Variants in PCCA observed in about 807,000 individuals in gnomAD.
PCCA encodes propionyl-CoA carboxylase subunit alpha, also known as propionyl-CoA carboxylase alpha chain, mitochondrial.
PCCA carries 74 observed loss-of-function variants against 101.3 expected under a neutral mutation model. The observed-to-expected ratio is 0.73, with a 90% CI of 0.61 to 0.89. PCCA has a LOEUF of 0.89. Ranked by LOEUF, PCCA falls within the 40% of genes least tolerant of loss-of-function variation. The pLI, the probability that PCCA is intolerant of heterozygous loss-of-function variation, is 0.00. For missense variants in PCCA, 891 were observed against 907.0 expected, an observed-to-expected ratio of 0.98 and a Z score of 0.23; for synonymous variants, 294 against 313.6, an observed-to-expected ratio of 0.94 and a Z score of 0.66.
rs16957362 is a variant in PCCA at position 100,369,194 on chromosome 13, G to A, written c.1746+620G>A. Among the ~76,000 whole-genome samples the A allele has an allele frequency of 5.8e-3, 889 of 152,268 alleles. 10 individuals are homozygous for A. Among genetic ancestry groups the A allele is most frequent in the African/African-American group, 0.021 (860 of 41,562 alleles). On this transcript the variant is annotated intron_variant, in intron 19 of 23. Coordinates refer to ENST00000376285, the MANE Select transcript of PCCA (RefSeq NM_000282.4). ...ATACCATTAAGAGTTGCTGTTTTAAGTCGTATGCCTTCGTGTTTTCAGCCT... is the reference window on the plus strand; with the variant it reads ...ATACCATTAAGAGTTGCTGTTTTAAATCGTATGCCTTCGTGTTTTCAGCCT...
chr13:100,216,058 TCCCTTCCCCTTCCCCTC>T (rs962802650), intron 7 of PCCA, among the ~76,000 whole-genome samples: 7 of 151,906 alleles, frequency 4.6e-5, no homozygotes, highest in African/African-American at 1.7e-4. Context: ...TTCCTCCCTT[TCCCTTCCCCTTCCCCTC>T]CCCTTCCCCT....
chr13:100,217,169 G>T (rs2059568050), intron 7 of PCCA, among the ~76,000 whole-genome samples: 1 of 151,796 alleles, frequency 6.6e-6, no homozygotes, highest in Non-Finnish European at 1.5e-5. Flanking sequence ...ATACAAGACT[G>T]GGTGCAGTGG....
intron 12 of PCCA, among the ~76,000 whole-genome samples, chr13:100,282,061 G>T (rs1355748532): frequency 6.6e-5 from 10 of 152,106 alleles, no homozygotes; most frequent in Admixed American, 6.6e-4. Context: ...TGTTTATCAT[G>T]AATTTTTCTT....
At chr13:100,275,021 C>T (rs1402048286) in intron 12 of PCCA, among the ~76,000 whole-genome samples, 2 of 131,544 alleles carry the variant, frequency 1.5e-5, no homozygotes, top group Non-Finnish European at 3.1e-5. Flanking sequence ...AAAACAGTGT[C>T]AACTCTTCTT....
intron 21 of PCCA, among the ~76,000 whole-genome samples, chr13:100,465,283 C>T (rs2082431110): frequency 6.6e-6 from 1 of 152,082 alleles, no homozygotes; most frequent in African/African-American, 2.4e-5. Flanking sequence ...AAGTCAATAC[C>T]AAAAGACACA....
At chr13:100,360,104 C>T (rs1009009031) in intron 18 of PCCA, among the ~76,000 whole-genome samples, 8 of 151,814 alleles carry the variant, frequency 5.3e-5, no homozygotes, top group Non-Finnish European at 1.0e-4. Flanking sequence ...GAATCATGGA[C>T]GAGGAGGGGC....
chr13:100,462,482 A>G (rs143968180), intron 21 of PCCA, among the ~76,000 whole-genome samples: 1 of 152,298 alleles, frequency 6.6e-6, no homozygotes, highest in African/African-American at 2.4e-5. Context: ...CAAACATGGT[A>G]TCAGTGCTGA....
intron 19 of PCCA, among the ~76,000 whole-genome samples, chr13:100,406,828 C>T (rs1431408096): frequency 6.6e-6 from 1 of 152,156 alleles, no homozygotes; most frequent in Non-Finnish European, 1.5e-5. Flanking sequence ...TGAGTTCACT[C>T]CATTAAGTTC....
chr13:100,215,868 G>A (rs1243295661), intron 7 of PCCA, among the ~76,000 whole-genome samples: 2 of 152,066 alleles, frequency 1.3e-5, no homozygotes, highest in East Asian at 1.9e-4. Context: ...TTGAACTCCT[G>A]ACCTCAAGTG....
chr13:100,317,289 C>T (rs188614813), intron 16 of PCCA, among the ~76,000 whole-genome samples: 18 of 152,142 alleles, frequency 1.2e-4, no homozygotes, highest in Admixed American at 6.5e-4. Context: ...AATATATGAG[C>T]GATTTGCATA....
intron 16 of PCCA, among the ~76,000 whole-genome samples, chr13:100,316,887 C>T (rs897912928): frequency 2.6e-5 from 4 of 151,928 alleles, no homozygotes; most frequent in Non-Finnish European, 5.9e-5. Context: ...AATTCTCCTG[C>T]CTCAGCCTCC....
chr13:100,298,872 ATGT>A (rs2065845640), intron 12 of PCCA, among the ~76,000 whole-genome samples: 1 of 151,402 alleles, frequency 6.6e-6, no homozygotes, highest in African/African-American at 2.4e-5. Context: ...TATTTAAGCA[ATGT>A]TGTGCTTATA....
At chr13:100,478,010 C>G (rs1015791959) in intron 21 of PCCA, among the ~76,000 whole-genome samples, 7 of 152,224 alleles carry the variant, frequency 4.6e-5, no homozygotes, top group Non-Finnish European at 1.0e-4. Context: ...GTGGCGAGCT[C>G]GAGCTAATCG....
rs978987232 is a variant in PCCA at position 100,309,724 on chromosome 13, G to A, written c.1354-109G>A. On this transcript the variant is annotated intron_variant, in intron 15 of 23. Coordinates refer to ENST00000376285, the MANE Select transcript of PCCA (RefSeq NM_000282.4). ...AAACTGAACTATCATAAAATTTCGA[G>A]ATATATTTAGAAATCTGTTATGAAA... The A allele has an allele frequency of 5.7e-6, 4 of 704,072 alleles. No individual in the cohort carries two copies. The African/African-American group carries it at 7.2e-5, about 13-fold the overall frequency. 43.6% of individuals were successfully genotyped at this position (704,072 alleles called of 1,614,324 possible).
chr13:100,132,883 C>T (rs1168026085), intron 4 of PCCA, among the ~76,000 whole-genome samples: 1 of 152,150 alleles, frequency 6.6e-6, no homozygotes, highest in East Asian at 1.9e-4. Flanking sequence ...AAGCGATTCT[C>T]CTGCCTCAGC....
At chr13:100,459,194 C>T (rs921527368) in intron 21 of PCCA, among the ~76,000 whole-genome samples, 2 of 152,162 alleles carry the variant, frequency 1.3e-5, no homozygotes, top group East Asian at 3.9e-4. Flanking sequence ...AGATTTAAGG[C>T]TCACCCTAAT....
intron 4 of PCCA, among the ~76,000 whole-genome samples, chr13:100,129,259 ATCT>A (rs567151122): frequency 9.7e-4 from 147 of 152,320 alleles, no homozygotes; most frequent in African/African-American, 3.3e-3. Flanking sequence ...GTCTTTTAAA[ATCT>A]TCTAGTGAAT....
intron 4 of PCCA, among the ~76,000 whole-genome samples, chr13:100,141,698 C>T (rs1276711886): frequency 2.0e-5 from 3 of 152,194 alleles, no homozygotes; most frequent in African/African-American, 7.2e-5. Context: ...CAGGCGTGAA[C>T]CACCACACCC....
chr13:100,229,606 T>C (rs1388133702), intron 7 of PCCA, among the ~76,000 whole-genome samples: 1 of 152,210 alleles, frequency 6.6e-6, no homozygotes, highest in East Asian at 1.9e-4. Context: ...CTCCTTCCTT[T>C]GTTCTCCTCT....
Sources: allele counts gnomAD v4.1 joint callset (sites outside exome capture counted in the v4.1 genomes callset), GRCh38; gene constraint gnomAD v4.1.1; transcripts MANE v1.5; gene names NCBI Gene and HGNC (gene_info 2026-07-23, HGNC 2026-07-21).